ARHGAP35: variants seen among roughly 807,000 people sequenced by gnomAD.
ARHGAP35 encodes rho GTPase-activating protein 35.
A neutral mutation model predicts 111.1 loss-of-function variants in ARHGAP35; 15 were observed. The observed-to-expected ratio is 0.13, with a 90% confidence interval of 0.09 to 0.21. The LOEUF (loss-of-function observed/expected upper bound fraction) is 0.21. ARHGAP35 is among the 10% of genes least tolerant of loss of function. The probability of loss-of-function intolerance (pLI) is 1.00; values close to 1 mark genes in which losing one functional copy is unlikely to be tolerated. For synonymous variants in ARHGAP35, 643 were observed against 710.3 expected, an observed-to-expected ratio of 0.91 and a Z score of 1.51; for missense variants, 1,262 against 1,873.0, an observed-to-expected ratio of 0.67 and a Z score of 6.02.
intron 3 of ARHGAP35, chr19:46,949,254 CAAA>C (rs991058874): frequency 4.0e-5 from 6 of 151,488 alleles, no homozygotes; most frequent in Non-Finnish European, 7.4e-5. Flanking sequence ...AAAAACAAAA[CAAA>C]AAAGAAGTCA....
chr19:46,951,929 G>A (rs1333717304), intron 3 of ARHGAP35, among the ~76,000 whole-genome samples: 1 of 152,200 alleles, frequency 6.6e-6, no homozygotes, highest in Non-Finnish European at 1.5e-5. Context: ...CCCAACTGAA[G>A]GGGGATGGGG....
chr19:46,951,808 G>A (rs73057390), intron 3 of ARHGAP35, among the ~76,000 whole-genome samples: 4,781 of 152,274 alleles, frequency 0.031, 120 homozygotes, highest in Non-Finnish European at 0.041. Flanking sequence ...CAGTATGGGT[G>A]TCTCCCCAGG....
intron 2 of ARHGAP35, among the ~76,000 whole-genome samples, chr19:46,927,274 G>A (rs1326297016): frequency 6.6e-6 from 1 of 152,228 alleles, no homozygotes; most frequent in Non-Finnish European, 1.5e-5. Context: ...CCTAGGTGTG[G>A]TAGTGACGTT....
At chr19:46,876,231 A>G (rs541100162) in intron 1 of ARHGAP35, among the ~76,000 whole-genome samples, 6 of 149,402 alleles carry the variant, frequency 4.0e-5, no homozygotes, top group African/African-American at 1.5e-4. Context: ...TTGAGACAGG[A>G]TCTCACCCAC....
rs1035384475 is a variant in ARHGAP35 at position 46,993,005 on chromosome 19, C to T, written c.4036+3330C>T. On this transcript the variant is annotated intron_variant, in intron 5 of 6. Coordinates refer to ENST00000672722, the MANE Select transcript of ARHGAP35 (RefSeq NM_004491.5). The surrounding 1 kb of genome is among the most constrained non-coding windows in gnomAD (Gnocchi z 4.6). ...CCCGAGGGCACGGGGGTGCTTCTCACACCCACGTACGGGGTCATTAATTTC... is the reference window on the plus strand; with the variant it reads ...CCCGAGGGCACGGGGGTGCTTCTCATACCCACGTACGGGGTCATTAATTTC... Among the ~76,000 whole-genome samples the T allele has an allele frequency of 6.6e-6, 1 of 152,224 alleles. No homozygotes were observed. Among genetic ancestry groups the T allele is most frequent in the Non-Finnish European group, 1.5e-5 (1 of 68,046 alleles).
chr19:46,882,403 A>C (rs894050619), intron 1 of ARHGAP35, among the ~76,000 whole-genome samples: 3 of 152,266 alleles, frequency 2.0e-5, no homozygotes, highest in East Asian at 3.9e-4. Context: ...CTCCCAAAGC[A>C]CTAGGTTTAC....
At chr19:46,879,420 C>G (rs1260210244) in intron 1 of ARHGAP35, among the ~76,000 whole-genome samples, 1 of 150,428 alleles carries the variant, frequency 6.6e-6, no homozygotes, top group East Asian at 1.9e-4. Flanking sequence ...AACCCCGTCT[C>G]TACTAAAAAT....
chr19:46,871,895 G>A (rs1351367587), intron 1 of ARHGAP35, among the ~76,000 whole-genome samples: 2 of 151,814 alleles, frequency 1.3e-5, no homozygotes, highest in Non-Finnish European at 2.9e-5. Context: ...CAGGAGAATC[G>A]CATGAACCCA....
intron 1 of ARHGAP35, among the ~76,000 whole-genome samples, chr19:46,893,886 C>CTTTTTT (rs75930765): frequency 1.6e-5 from 2 of 122,378 alleles, no homozygotes; most frequent in Non-Finnish European, 3.4e-5. Flanking sequence ...CGTTCTTTCT[C>CTTTTTT]TTTTTTTTTT....
chr19:46,952,489 A>T (rs1332969449), intron 3 of ARHGAP35, among the ~76,000 whole-genome samples: 1 of 152,240 alleles, frequency 6.6e-6, no homozygotes, highest in South Asian at 2.1e-4. Context: ...GTAATTCTCA[A>T]ATGTGCAAAG....
At chr19:46,917,334 G>C (rs960752555) in intron 1 of ARHGAP35, among the ~76,000 whole-genome samples, 1 of 152,184 alleles carries the variant, frequency 6.6e-6, no homozygotes, top group Non-Finnish European at 1.5e-5. Context: ...TAGGCCAGGC[G>C]TGATCGCTTA....
At chr19:46,865,977 A>C (rs2055854060) in intron 1 of ARHGAP35, among the ~76,000 whole-genome samples, 1 of 152,060 alleles carries the variant, frequency 6.6e-6, no homozygotes, top group Non-Finnish European at 1.5e-5. Flanking sequence ...AGTAGCTGGG[A>C]TTACAGGCAT....
intron 1 of ARHGAP35, among the ~76,000 whole-genome samples, chr19:46,904,915 C>T (rs1029141808): frequency 6.6e-6 from 1 of 152,182 alleles, no homozygotes; most frequent in Non-Finnish European, 1.5e-5. Context: ...CTCCGCGTTC[C>T]TGTTCTCCAG....
Position 46,921,203 on chromosome 19 carries a change from C to T in ARHGAP35, c.2528C>T (p.Ser843Phe), listed in dbSNP as rs2056197700. The change falls in exon 2 of 7, where the codon TCC (serine) becomes TTC (phenylalanine). Residue 843 changes from serine to phenylalanine, a missense_variant. Around this residue, in one of 8 missense-constraint regions of ARHGAP35, gnomAD observed 579 missense variants for 716.9 expected, o/e 0.81. Coordinates refer to ENST00000672722, the MANE Select transcript of ARHGAP35 (RefSeq NM_004491.5). The surrounding 1 kb of genome is among the most constrained non-coding windows in gnomAD (Gnocchi z 4.3). ...CTGTCTGTTCTTTCATACCATTCCT[C>T]CTTTAGCATCAGAAAGAGCCGGTTG... is the stretch of plus-strand genomic sequence containing the variant. ...IELSVLSYHS[S>F]FSIRKSRLVH... 2 of 1,614,042 alleles carry T rather than the reference C, an allele frequency of 1.2e-6. No individual in the cohort carries two copies. The highest frequency in any genetic ancestry group is 1.3e-5 in the African/African-American group (1 of 75,050).
chr19:46,937,728 C>T (rs1054508607), intron 3 of ARHGAP35, among the ~76,000 whole-genome samples: 6 of 152,222 alleles, frequency 3.9e-5, no homozygotes, highest in Admixed American at 2.0e-4. Context: ...GTTGCCTGCC[C>T]GCCTGTGTTC....
intron 3 of ARHGAP35, among the ~76,000 whole-genome samples, chr19:46,958,772 G>C (rs2056458006): frequency 6.6e-6 from 1 of 152,218 alleles, no homozygotes; most frequent in South Asian, 2.1e-4. Context: ...TGAAGCATTT[G>C]CTTTTGAGAA....
rs1486647733 is a variant in ARHGAP35, at chr19:46,921,225, G to A, written c.2550G>A (p.Arg850=). 2 of 1,613,986 alleles carry A rather than the reference G, an allele frequency of 1.2e-6. No individual in the cohort carries two copies. Among genetic ancestry groups the A allele is most frequent in the East Asian group, 2.2e-5 (1 of 44,880 alleles). Residue 850 remains arginine, a synonymous_variant, in exon 2 of 7, where the codon CGG becomes CGA. Coordinates refer to ENST00000672722, the MANE Select transcript of ARHGAP35 (RefSeq NM_004491.5). The surrounding 1 kb of genome is among the most constrained non-coding windows in gnomAD (Gnocchi z 4.3). ...YHSSFSIRKS[R]LVHGYIVFYS... ...CCTCCTTTAGCATCAGAAAGAGCCGGTTGGTTCATGGGTACATTGTTTTTT... is the reference window on the plus strand; with the variant it reads ...CCTCCTTTAGCATCAGAAAGAGCCGATTGGTTCATGGGTACATTGTTTTTT...
chr19:46,975,457 C>T (rs1013959805), intron 3 of ARHGAP35, among the ~76,000 whole-genome samples: 9 of 152,064 alleles, frequency 5.9e-5, no homozygotes, highest in African/African-American at 1.7e-4. Flanking sequence ...TGTGCCGCGG[C>T]AGCACAGTGA....
intron 1 of ARHGAP35, among the ~76,000 whole-genome samples, chr19:46,866,477 C>T (rs1304784106): frequency 1.3e-5 from 2 of 152,196 alleles, no homozygotes; most frequent in Non-Finnish European, 1.5e-5. Context: ...TCCTAATTAG[C>T]TGGGACCTTG....
Sources: allele counts gnomAD v4.1 joint callset (sites outside exome capture counted in the v4.1 genomes callset), GRCh38; gene constraint gnomAD v4.1.1; regional missense constraint gnomAD v4.1.1; non-coding constraint Gnocchi (gnomAD v3.1); transcripts MANE v1.5; gene names NCBI Gene and HGNC (gene_info 2026-07-23, HGNC 2026-07-21).